P3H2: variants seen among roughly 807,000 people sequenced by gnomAD.
P3H2 encodes the protein prolyl 3-hydroxylase 2, also known as leprecan-like 1.
A neutral mutation model predicts 87.0 loss-of-function variants in P3H2; 80 were observed. The ratio of observed to expected loss-of-function variants is 0.92; its 90% CI spans 0.77 to 1.11. The LOEUF (loss-of-function observed/expected upper bound fraction) is 1.11, where lower values mean the gene tolerates loss of function less well. P3H2 is among the 50% of genes least tolerant of loss of function. P3H2 has a pLI of 0.00. For missense variants in P3H2, 1,001 were observed against 923.9 expected, an observed-to-expected ratio of 1.08 and a Z score of -1.08; for synonymous variants, 367 against 359.3, an observed-to-expected ratio of 1.02 and a Z score of -0.24.
At chr3:189,973,593 G>A (rs1317608582) in intron 10 of P3H2, among the ~76,000 whole-genome samples, 2 of 139,986 alleles carry the variant, frequency 1.4e-5, no homozygotes, top group East Asian at 2.2e-4. Context: ...GCGCGATCTC[G>A]GCTCACCGCA....
intron 14 of P3H2, among the ~76,000 whole-genome samples, chr3:189,960,426 C>T (rs1417124434): frequency 6.6e-5 from 10 of 152,226 alleles, no homozygotes; most frequent in African/African-American, 2.4e-4. Flanking sequence ...AAGCCACTGA[C>T]ATGTGGCAAG....
At chr3:190,038,366 G>A (rs926750324) in intron 1 of P3H2, among the ~76,000 whole-genome samples, 17 of 151,460 alleles carry the variant, frequency 1.1e-4, no homozygotes, top group African/African-American at 4.1e-4. Flanking sequence ...TGGCCTCTCA[G>A]CCTCCTGAGC....
At chr3:190,002,626 C>G (rs1435828669) in intron 1 of P3H2, among the ~76,000 whole-genome samples, 1 of 152,114 alleles carries the variant, frequency 6.6e-6, no homozygotes, top group Non-Finnish European at 1.5e-5. Context: ...GTCTTGAACT[C>G]CTGATCTCGT....
At chr3:190,024,901 C>G (rs1725042181) in intron 1 of P3H2, among the ~76,000 whole-genome samples, 1 of 152,088 alleles carries the variant, frequency 6.6e-6, no homozygotes, top group Non-Finnish European at 1.5e-5. Flanking sequence ...CCTTCTCCAC[C>G]CTAACACTGC....
At chr3:190,004,468 C>G (rs565512431) in intron 1 of P3H2, among the ~76,000 whole-genome samples, 1 of 152,054 alleles carries the variant, frequency 6.6e-6, no homozygotes, top group Non-Finnish European at 1.5e-5. Context: ...CTGCAAGCTC[C>G]GCCTCCCGGG....
chr3:189,964,373 A>G (rs1722910606), intron 13 of P3H2, among the ~76,000 whole-genome samples: 1 of 152,234 alleles, frequency 6.6e-6, no homozygotes, highest in Admixed American at 6.5e-5. Context: ...TGCTATATAT[A>G]TGATAGCCTG....
intron 1 of P3H2, among the ~76,000 whole-genome samples, chr3:190,119,146 G>GGAGGA: frequency 4.2e-5 from 1 of 23,868 alleles, no homozygotes; most frequent in Non-Finnish European, 9.6e-5. Context: ...AGAGGGGAGG[G>GGAGGA]GAGGGGAGGG....
At chr3:190,014,088 G>C (rs1724678323) in intron 1 of P3H2, among the ~76,000 whole-genome samples, 2 of 152,190 alleles carry the variant, frequency 1.3e-5, no homozygotes, top group Non-Finnish European at 2.9e-5. Flanking sequence ...ATTGCTTACA[G>C]GTGAGGAATT....
At chr3:190,057,170 C>G (rs1047346096) in intron 1 of P3H2, among the ~76,000 whole-genome samples, 1 of 152,126 alleles carries the variant, frequency 6.6e-6, no homozygotes. Flanking sequence ...TATCCTGCTT[C>G]TTTTTACATA....
chr3:189,980,188 T>C (rs1188584865), intron 8 of P3H2, among the ~76,000 whole-genome samples: 1 of 152,144 alleles, frequency 6.6e-6, no homozygotes, highest in Admixed American at 6.5e-5. Flanking sequence ...GATGACAGTC[T>C]CTTTGGGGAA....
intron 13 of P3H2, among the ~76,000 whole-genome samples, chr3:189,964,919 G>T (rs938510584): frequency 6.6e-6 from 1 of 152,232 alleles, no homozygotes; most frequent in Non-Finnish European, 1.5e-5. Context: ...TCTTCAAATT[G>T]AATGAGCTTA....
intron 1 of P3H2, among the ~76,000 whole-genome samples, chr3:190,103,156 C>A (rs555701748): frequency 6.6e-6 from 1 of 152,244 alleles, no homozygotes; most frequent in African/African-American, 2.4e-5. Context: ...GGTCTGGAAC[C>A]AAACCTGCAA....
At position 189,957,532 on chromosome 3, in the gene P3H2, C is replaced by T; in HGVS notation, c.*380G>A. 2.7e-6 allele frequency: 1 copy of T among 373,544 alleles called. No homozygotes were observed. Among genetic ancestry groups the T allele is most frequent in the South Asian group, 4.3e-5 (1 of 23,020 alleles). 23.1% of individuals were successfully genotyped at this position (373,544 alleles called of 1,614,324 possible). On this transcript the variant is annotated 3_prime_UTR_variant, in exon 15 of 15. Coordinates refer to ENST00000319332, the MANE Select transcript of P3H2 (RefSeq NM_018192.4). ...GATAGATACATGAAATGATGAAAAA[C>T]CAAGAAAGAGAGCTGGGTGTGGTGG...
At chr3:190,108,804 A>G (rs1305629135) in intron 1 of P3H2, among the ~76,000 whole-genome samples, 1 of 152,226 alleles carries the variant, frequency 6.6e-6, no homozygotes, top group Non-Finnish European at 1.5e-5. Context: ...AATTTAATGA[A>G]AACTATTAGC....
intron 1 of P3H2, among the ~76,000 whole-genome samples, chr3:190,035,809 G>A (rs1293879464): frequency 6.6e-6 from 1 of 152,116 alleles, no homozygotes; most frequent in African/African-American, 2.4e-5. Context: ...AGCAAACCCA[G>A]ATCTTATACC....
At chr3:189,974,119 C>G (rs1387860189) in intron 9 of P3H2, 115 bp from the exon 10 acceptor site, 1 of 821,644 alleles carries the variant, frequency 1.2e-6, no homozygotes, top group Non-Finnish European at 2.1e-6. Flanking sequence ...GAACCATCCC[C>G]ATTTTATTCC....
At chr3:190,112,873 C>G (rs1464321091) in intron 1 of P3H2, among the ~76,000 whole-genome samples, 1 of 149,506 alleles carries the variant, frequency 6.7e-6, no homozygotes, top group Non-Finnish European at 1.5e-5. Flanking sequence ...AATCAGACAG[C>G]AGGAAAGGAG....
chr3:190,018,767 G>A (rs1403130471), intron 1 of P3H2, among the ~76,000 whole-genome samples: 1 of 152,194 alleles, frequency 6.6e-6, no homozygotes, highest in Admixed American at 6.5e-5. Flanking sequence ...TGCAGTTTAA[G>A]TTAGATATAG....
In P3H2 at chr3:189,984,431, T is replaced by G. The variant is rs1723630197; in HGVS notation, c.1229+119A>C. On this transcript the variant is annotated intron_variant, in intron 7 of 14. Transcript: ENST00000319332. ...GGATGTAGAGCTCCTAATTCAGAGC[T>G]TAGAATTATTTTATTATATCTCCTT... 17 of 831,162 alleles carry G rather than the reference T, an allele frequency of 2.0e-5. No homozygotes were observed. In the South Asian group the frequency reaches 2.4e-4, roughly 12 times the overall value. The allele number at this position is 831,162 out of a possible 1,614,324, so 51.5% of individuals were successfully genotyped here. A position where few individuals can be genotyped will look rare whatever the true frequency, so the allele number is the denominator to read the frequency against.
Sources: gnomAD v4.1 joint callset for allele counts (sites outside exome capture counted in the v4.1 genomes callset) on GRCh38, gnomAD v4.1.1 for gene constraint, MANE v1.5 for transcripts, NCBI Gene and HGNC (gene_info 2026-07-23, HGNC 2026-07-21) for gene names.